The following POLQ variants were observed in gnomAD, a reference collection of about 807,000 sequenced individuals.
The protein encoded by POLQ is epididymis secretory sperm binding protein.
POLQ carries 233 observed loss-of-function variants against 259.2 expected under a neutral mutation model. The ratio of observed to expected loss-of-function variants is 0.90; its 90% CI spans 0.81 to 1.00. POLQ has a LOEUF of 1.00. POLQ is among the 50% of genes least tolerant of loss of function. The probability of loss-of-function intolerance (pLI) is 0.00; values close to 1 mark genes in which losing one functional copy is unlikely to be tolerated. For synonymous variants in POLQ, 1,025 were observed against 1,048.8 expected, an observed-to-expected ratio of 0.98 and a Z score of 0.44; for missense variants, 2,871 against 3,051.6, an observed-to-expected ratio of 0.94 and a Z score of 1.39.
At chr3:121,504,297 A>G (rs1039774582) in intron 12 of POLQ, among the ~76,000 whole-genome samples, 2 of 152,226 alleles carry the variant, frequency 1.3e-5, no homozygotes, top group Non-Finnish European at 2.9e-5. Flanking sequence ...TAGATAATCT[A>G]CGTGGACTAT....
Position 121,490,088 on chromosome 3 carries a change from T to C in POLQ, c.2843A>G (p.Tyr948Cys), listed in dbSNP as rs757244371. Residue 948 changes from tyrosine to cysteine, a missense_variant, in exon 16 of 30, where the codon TAT becomes TGT. Transcript: ENST00000264233. ...CACTATATTTGGTGAATGCTTAATA[T>C]AAGAATCACTAAATATTGTGTTACT... is the stretch of plus-strand genomic sequence containing the variant. Reference protein sequence around the residue: ...NKSNTIFSDSYIKHSPNIVQD... With the variant: ...NKSNTIFSDSCIKHSPNIVQD... The C allele has an allele frequency of 5.7e-6, 9 of 1,590,074 alleles. No individual in the cohort carries two copies. The highest frequency in any genetic ancestry group is 3.4e-5 in the South Asian group (3 of 87,644).
chr3:121,434,949 G>A (rs1389631042), intron 28 of POLQ, among the ~76,000 whole-genome samples: 1 of 152,086 alleles, frequency 6.6e-6, no homozygotes, highest in Admixed American at 6.6e-5. Flanking sequence ...TTGAGGTCAG[G>A]AGTTCCAGAA....
intron 24 of POLQ, among the ~76,000 whole-genome samples, chr3:121,460,712 G>A (rs567098893): frequency 6.6e-6 from 1 of 152,170 alleles, no homozygotes; most frequent in South Asian, 2.1e-4. Flanking sequence ...ATGTTAAGTG[G>A]GCTGGAGAGA....
chr3:121,521,870 C>A, intron 8 of POLQ, 133 bp downstream of exon 8: 1 of 612,880 alleles, frequency 1.6e-6, no homozygotes, highest in South Asian at 3.0e-5. Flanking sequence ...CACGCCCAGC[C>A]CACACAATTT....
intron 9 of POLQ, among the ~76,000 whole-genome samples, chr3:121,514,903 G>A (rs1175941080): frequency 2.0e-5 from 3 of 152,132 alleles, no homozygotes; most frequent in Admixed American, 2.0e-4. Context: ...AAGCTCATGA[G>A]GACCCTGCCC....
chr3:121,494,094 C>T, intron 14 of POLQ: 1 of 697,458 alleles, frequency 1.4e-6, no homozygotes, highest in Non-Finnish European at 2.6e-6. Flanking sequence ...AGGTCTCTCT[C>T]TTCCCGCCAC....
chr3:121,489,185 G>T lies in POLQ; in HGVS notation c.3746C>A (p.Pro1249Gln). 1 of 1,612,062 alleles carries T rather than the reference G, an allele frequency of 6.2e-7. No homozygotes were observed. The highest frequency in any genetic ancestry group is 8.5e-7 in the Non-Finnish European group (1 of 1,179,282). ...RIKLNTEENK[P>Q]SHFQALGDDI... is the part of the protein sequence containing the mutation. ...ATCTCCTAATGCCTGAAAATGACTTGGTTTATTTTCCTCTGTATTAAGCTT... is the reference window on the plus strand; with the variant it reads ...ATCTCCTAATGCCTGAAAATGACTTTGTTTATTTTCCTCTGTATTAAGCTT... The change falls in exon 16 of 30, where the codon CCA (proline) becomes CAA (glutamine). Residue 1249 changes from proline to glutamine, a missense_variant. By Grantham distance (76) the Pro-to-Gln change is moderately conservative. Transcript: ENST00000264233.
intron 25 of POLQ, among the ~76,000 whole-genome samples, chr3:121,453,352 C>T (rs975874389): frequency 6.6e-6 from 1 of 152,176 alleles, no homozygotes; most frequent in African/African-American, 2.4e-5. Flanking sequence ...TCCAAAGGAA[C>T]GCAGTTCCTC....
intron 14 of POLQ, chr3:121,494,668 G>C (rs1354240895): frequency 3.8e-6 from 6 of 1,565,348 alleles, no homozygotes; most frequent in Non-Finnish European, 5.2e-6. Flanking sequence ...CCAAGGGGAA[G>C]GCAAGACTGG....
chr3:121,480,731 T>C (rs2047963657), intron 19 of POLQ, among the ~76,000 whole-genome samples: 1 of 152,244 alleles, frequency 6.6e-6, no homozygotes, highest in Non-Finnish European at 1.5e-5. Flanking sequence ...ACCTGCTCTG[T>C]GACAAACACT....
intron 8 of POLQ, chr3:121,521,531 G>C (rs2048336180): frequency 6.6e-6 from 1 of 152,200 alleles, no homozygotes; most frequent in Admixed American, 6.5e-5. Flanking sequence ...AACAAGGGGA[G>C]ACTACTATAT....
At chr3:121,544,349 A>G (rs998427361) in intron 2 of POLQ, among the ~76,000 whole-genome samples, 2 of 148,504 alleles carry the variant, frequency 1.3e-5, no homozygotes, top group African/African-American at 2.5e-5. Flanking sequence ...CTATCTCAAG[A>G]AAAAAAAAAG....
intron 26 of POLQ, among the ~76,000 whole-genome samples, 161 bp downstream of exon 26, chr3:121,449,153 AT>A (rs2047653052): frequency 6.6e-6 from 1 of 152,238 alleles, no homozygotes; most frequent in Non-Finnish European, 1.5e-5. Context: ...AGATTATTAC[AT>A]CTTAGTAAGT....
intron 20 of POLQ, 143 bp from the exon 21 acceptor site, chr3:121,473,630 C>T: frequency 4.0e-6 from 3 of 756,324 alleles, no homozygotes; most frequent in Non-Finnish European, 4.2e-6. Flanking sequence ...TTGGAATTAC[C>T]ATATTTAATA....
chr3:121,466,970 C>T (rs1410646455), intron 24 of POLQ, among the ~76,000 whole-genome samples: 1 of 152,184 alleles, frequency 6.6e-6, no homozygotes, highest in Non-Finnish European at 1.5e-5. Context: ...CTGCAAGTTA[C>T]ATCATAACTT....
At chr3:121,457,075 C>T (rs1041237602) in intron 25 of POLQ, among the ~76,000 whole-genome samples, 6 of 152,188 alleles carry the variant, frequency 3.9e-5, no homozygotes, top group South Asian at 2.1e-4. Flanking sequence ...TCAGAAATAA[C>T]GCCGCATATC....
chr3:121,544,681 C>G (rs2048516161), intron 2 of POLQ, 46 bp downstream of exon 2: 1 of 1,264,298 alleles, frequency 7.9e-7, no homozygotes, highest in South Asian at 1.2e-5. Context: ...GTATTCTTTA[C>G]ATTCATATCT....
chr3:121,502,143 C>G (rs917646782), intron 12 of POLQ, among the ~76,000 whole-genome samples: 1 of 152,148 alleles, frequency 6.6e-6, no homozygotes, highest in South Asian at 2.1e-4. Context: ...ACATATTTCT[C>G]TTTTCTTCTC....
chr3:121,512,104 G>T, intron 9 of POLQ, 75 bp from the exon 10 acceptor site: 1 of 1,269,190 alleles, frequency 7.9e-7, no homozygotes, highest in Non-Finnish European at 1.1e-6. Context: ...ATTTTAAGTT[G>T]CCTTACTTTG....
Sources: allele counts gnomAD v4.1 joint callset (sites outside exome capture counted in the v4.1 genomes callset), GRCh38; gene constraint gnomAD v4.1.1; transcripts MANE v1.5; gene names NCBI Gene and HGNC (gene_info 2026-07-23, HGNC 2026-07-21).